Variants in APBB2 observed in about 807,000 individuals in gnomAD.
APBB2 encodes amyloid beta precursor protein binding family B member 2, also known as Fe65-like 1.
A neutral mutation model predicts 82.5 loss-of-function variants in APBB2; 38 were observed. The ratio of observed to expected loss-of-function variants is 0.46; its 90% CI spans 0.36 to 0.60. The LOEUF is 0.60. APBB2 is among the 20% of genes least tolerant of loss of function. The pLI, the probability that APBB2 is intolerant of heterozygous loss-of-function variation, is 0.00. For missense variants in APBB2, 772 were observed against 972.3 expected, an observed-to-expected ratio of 0.79 and a Z score of 2.74; for synonymous variants, 341 against 368.2, an observed-to-expected ratio of 0.93 and a Z score of 0.85.
intron 6 of APBB2, among the ~76,000 whole-genome samples, chr4:40,962,346 T>C (rs1669340415): frequency 6.6e-6 from 1 of 152,180 alleles, no homozygotes; most frequent in African/African-American, 2.4e-5. Context: ...TCTCAAAATT[T>C]TCAAACGATA....
Position 40,814,147 on chromosome 4 carries a change from G to T in APBB2, c.*1945C>A, listed in dbSNP as rs1239486891. ...GAATGTCTACCACAAGTAGCATCTG[G>T]AAAATCTCGTAGATGGAACAGGCTG... On this transcript the variant is annotated 3_prime_UTR_variant, in exon 18 of 18. Coordinates refer to ENST00000508593, the MANE Select transcript of APBB2 (RefSeq NM_004307.2). The T allele has an allele frequency of 6.6e-6, 1 of 152,166 alleles. No individual in the cohort carries two copies. Among genetic ancestry groups the T allele is most frequent in the East Asian group, 1.9e-4 (1 of 5,200 alleles). The allele number at this position is 152,166 out of a possible 1,614,324, so 9.4% of individuals were successfully genotyped here.
At chr4:40,856,093 C>T (rs369673496) in intron 12 of APBB2, among the ~76,000 whole-genome samples, 101 of 152,268 alleles carry the variant, frequency 6.6e-4, no homozygotes, top group African/African-American at 2.4e-3. Context: ...CCTAAGAAAA[C>T]CTAAAAGAGA....
At chr4:40,929,916 T>C (rs1783645595) in intron 10 of APBB2, among the ~76,000 whole-genome samples, 1 of 152,186 alleles carries the variant, frequency 6.6e-6, no homozygotes, top group Non-Finnish European at 1.5e-5. Flanking sequence ...GGGGAAAAAC[T>C]CCTCCTATGG....
chr4:40,951,933 A>G (rs116761855), intron 6 of APBB2, among the ~76,000 whole-genome samples: 242 of 152,054 alleles, frequency 1.6e-3, no homozygotes, highest in African/African-American at 5.5e-3. Context: ...TCTCTGTAAT[A>G]CTAGCACTTT....
At chr4:41,197,059 T>C in intron 1 of APBB2, among the ~76,000 whole-genome samples, 1 of 152,232 alleles carries the variant, frequency 6.6e-6, no homozygotes, top group Non-Finnish European at 1.5e-5. Flanking sequence ...CACTTAAAGA[T>C]ACAGGTGGTT....
chr4:40,924,934 A>G (rs1385998948), intron 10 of APBB2, among the ~76,000 whole-genome samples: 1 of 152,226 alleles, frequency 6.6e-6, no homozygotes, highest in East Asian at 1.9e-4. Flanking sequence ...ATGAACACAA[A>G]TTTACATATC....
At chr4:41,130,048 T>C (rs1450749890) in intron 2 of APBB2, among the ~76,000 whole-genome samples, 4 of 152,062 alleles carry the variant, frequency 2.6e-5, no homozygotes, top group African/African-American at 9.7e-5. Context: ...AAGGACATTA[T>C]CCAGGAGGAT....
At chr4:40,827,522 T>C (rs571855788) in intron 13 of APBB2, among the ~76,000 whole-genome samples, 2 of 152,294 alleles carry the variant, frequency 1.3e-5, no homozygotes, top group East Asian at 3.9e-4. Flanking sequence ...CAAGTCTCCC[T>C]GGTCTTGCAT....
intron 10 of APBB2, among the ~76,000 whole-genome samples, chr4:40,924,154 G>A (rs1459627498): frequency 1.3e-5 from 2 of 152,210 alleles, no homozygotes; most frequent in East Asian, 3.9e-4. Flanking sequence ...GGAATGAGAT[G>A]ATCCTTATTT....
At chr4:40,938,598 A>C (rs1785980919) in intron 7 of APBB2, among the ~76,000 whole-genome samples, 1 of 152,196 alleles carries the variant, frequency 6.6e-6, no homozygotes, top group African/African-American at 2.4e-5. Context: ...TTAAAGACTA[A>C]GTCTCAGGGG....
At chr4:41,200,398 C>T (rs887540735) in intron 1 of APBB2, among the ~76,000 whole-genome samples, 1 of 151,780 alleles carries the variant, frequency 6.6e-6, no homozygotes, top group East Asian at 1.9e-4. Flanking sequence ...ATAAAATTAG[C>T]CTTTCTCTAG....
chr4:40,880,250 G>A (rs900182582), intron 12 of APBB2: 15 of 985,198 alleles, frequency 1.5e-5, no homozygotes, highest in Non-Finnish European at 1.7e-5. Context: ...TCAAAAACTC[G>A]ACACAATGAG....
rs183278556 is a variant in APBB2, at chr4:40,823,628, G to A, written c.1932+16C>T. On this transcript the variant is annotated intron_variant, in intron 16 of 17. Coordinates refer to ENST00000508593, the MANE Select transcript of APBB2 (RefSeq NM_004307.2). ...CTGTATAAGACACACCAATGTCATC[G>A]AAGATTCCTTCTCACCTTTTCACTG... is the stretch of plus-strand genomic sequence containing the variant. 1.9e-5 allele frequency: 30 copies of A among 1,566,342 alleles called. No individual in the cohort carries two copies. In the African/African-American group the frequency reaches 2.7e-4, roughly 14 times the overall value.
chr4:41,181,491 T>A (rs1364258698), intron 1 of APBB2, among the ~76,000 whole-genome samples: 1 of 152,256 alleles, frequency 6.6e-6, no homozygotes, highest in Non-Finnish European at 1.5e-5. Context: ...ATTTTCTTTA[T>A]TCATGCAAGT....
intron 10 of APBB2, among the ~76,000 whole-genome samples, chr4:40,912,064 T>C (rs967445661): frequency 6.6e-6 from 1 of 152,238 alleles, no homozygotes; most frequent in Non-Finnish European, 1.5e-5. Context: ...CAATAATATT[T>C]AGTTTGTTCA....
intron 6 of APBB2, among the ~76,000 whole-genome samples, chr4:40,966,547 G>A (rs1256898474): frequency 6.6e-6 from 1 of 152,202 alleles, no homozygotes; most frequent in Non-Finnish European, 1.5e-5. Context: ...GGCCTAGAAA[G>A]CCCCCTGCCC....
intron 7 of APBB2, among the ~76,000 whole-genome samples, chr4:40,942,013 T>C (rs1185857078): frequency 6.6e-6 from 1 of 152,202 alleles, no homozygotes; most frequent in East Asian, 1.9e-4. Context: ...TTAGTGCCTC[T>C]GGTTTAATAT....
intron 12 of APBB2, among the ~76,000 whole-genome samples, chr4:40,853,171 C>G (rs1024320379): frequency 2.1e-4 from 32 of 152,184 alleles, no homozygotes; most frequent in African/African-American, 7.2e-4. Context: ...TCTCTTCATG[C>G]CCTCTGCCAT....
In APBB2 at chr4:41,051,760, T is replaced by C. The variant is rs114948604; in HGVS notation, c.-51+13816A>G. ...GCAGAGCTGCCTTCCTAAGAGCATC[T>C]ACCACCTTTATCACCACCACATATA... On this transcript the variant is annotated intron_variant, in intron 4 of 17. Coordinates refer to ENST00000508593, the MANE Select transcript of APBB2 (RefSeq NM_004307.2). Among the ~76,000 whole-genome samples, 1,017 of 152,302 alleles carry C rather than the reference T, an allele frequency of 6.7e-3. 15 individuals are homozygous for C. Among genetic ancestry groups the C allele is most frequent in the African/African-American group, 0.022 (907 of 41,560 alleles).
Sources: allele counts gnomAD v4.1 joint callset (sites outside exome capture counted in the v4.1 genomes callset), GRCh38; gene constraint gnomAD v4.1.1; transcripts MANE v1.5; gene names NCBI Gene and HGNC (gene_info 2026-07-23, HGNC 2026-07-21).